The following RGL1 variants were observed in gnomAD, a reference collection of about 807,000 sequenced individuals.
RGL1 encodes ral guanine nucleotide dissociation stimulator-like 1.
RGL1 carries 24 observed loss-of-function variants against 95.2 expected under a neutral mutation model. That is an observed-to-expected ratio of 0.25 (90% CI 0.18 to 0.35). RGL1 has a LOEUF of 0.35. RGL1 is among the 10% of genes least tolerant of loss of function. RGL1 has a pLI of 1.00. For synonymous variants in RGL1, 329 were observed against 344.9 expected (o/e 0.95, Z 0.51); for missense variants, 715 against 936.3 (o/e 0.76, Z 3.08).
At chr1:183,885,515 C>T (rs1302949286) in intron 7 of RGL1, among the ~76,000 whole-genome samples, 1 of 152,128 alleles carries the variant, frequency 6.6e-6, no homozygotes, top group Non-Finnish European at 1.5e-5. Flanking sequence ...GTTCCTAGGC[C>T]TGACTCACAT....
intron 2 of RGL1, among the ~76,000 whole-genome samples, chr1:183,771,776 A>G (rs1163278741): frequency 6.6e-6 from 1 of 152,154 alleles, no homozygotes; most frequent in Non-Finnish European, 1.5e-5. Flanking sequence ...TCACTCCTAA[A>G]TGTTGCGTTT....
chr1:183,795,341 T>C (rs780185396), intron 2 of RGL1, among the ~76,000 whole-genome samples: 1 of 152,206 alleles, frequency 6.6e-6, no homozygotes, highest in Non-Finnish European at 1.5e-5. Context: ...GAAACAGACA[T>C]TTATCAAATA....
chr1:183,656,171 T>TTACAAAACTCTTACAAA (rs2102011573), intron 1 of RGL1, among the ~76,000 whole-genome samples: 1 of 151,528 alleles, frequency 6.6e-6, no homozygotes, highest in Non-Finnish European at 1.5e-5. Flanking sequence ...CTTGGCTCTC[T>TTACAAAACTCTTACAAA]AACTCTTACA....
intron 8 of RGL1, among the ~76,000 whole-genome samples, chr1:183,890,721 C>G (rs1667368067): frequency 6.6e-6 from 1 of 152,146 alleles, no homozygotes; most frequent in Admixed American, 6.5e-5. Flanking sequence ...AGCTACGTAT[C>G]ATATACTTGG....
At chr1:183,806,592 G>A in intron 2 of RGL1, 107 bp downstream of exon 2, 1 of 731,488 alleles carries the variant, frequency 1.4e-6, no homozygotes, top group East Asian at 2.6e-5. Flanking sequence ...TCCTCTTTTC[G>A]CTTTAAAAAG....
At chr1:183,788,040 CA>C (rs926463676) in intron 2 of RGL1, among the ~76,000 whole-genome samples, 2 of 152,140 alleles carry the variant, frequency 1.3e-5, no homozygotes, top group African/African-American at 4.8e-5. Context: ...TATAGCAACA[CA>C]AAATGGACTA....
chr1:183,870,710 G>A (rs1666133142), intron 4 of RGL1, among the ~76,000 whole-genome samples: 1 of 152,180 alleles, frequency 6.6e-6, no homozygotes, highest in South Asian at 2.1e-4. Context: ...TGTCAATAGT[G>A]CCTAAGAAGC....
At chr1:183,637,421 C>G (rs553212115) in intron 1 of RGL1, among the ~76,000 whole-genome samples, 1 of 152,062 alleles carries the variant, frequency 6.6e-6, no homozygotes, top group South Asian at 2.1e-4. Context: ...TGTGAAAGAC[C>G]GTACAGTTTG....
At chr1:183,704,725 T>G (rs951486209) in intron 1 of RGL1, among the ~76,000 whole-genome samples, 1 of 152,122 alleles carries the variant, frequency 6.6e-6, no homozygotes, top group Non-Finnish European at 1.5e-5. Flanking sequence ...GAATAGAGCA[T>G]AGAGTTGGAG....
chr1:183,759,151 G>T (rs1477708687), intron 2 of RGL1, among the ~76,000 whole-genome samples: 1 of 152,140 alleles, frequency 6.6e-6, no homozygotes, highest in Admixed American at 6.6e-5. Flanking sequence ...AAAAACAAAG[G>T]TTATTACACT....
chr1:183,916,322 GTGGGC>G (rs1668965933), intron 15 of RGL1, 120 bp from the exon 16 acceptor site: 1 of 1,124,220 alleles, frequency 8.9e-7, no homozygotes, highest in African/African-American at 1.6e-5. Flanking sequence ...CATGTGTGCT[GTGGGC>G]TGTTGTGGAG....
chr1:183,706,869 C>T (rs1654948351), intron 1 of RGL1, among the ~76,000 whole-genome samples: 1 of 152,182 alleles, frequency 6.6e-6, no homozygotes, highest in East Asian at 1.9e-4. Flanking sequence ...GCTTCTGAAG[C>T]TTGCGCCAAA....
chr1:183,700,452 C>CT (rs1019748231), intron 1 of RGL1, among the ~76,000 whole-genome samples: 1 of 147,780 alleles, frequency 6.8e-6, no homozygotes, highest in African/African-American at 2.5e-5. Flanking sequence ...TTTAATTTGA[C>CT]TTTAAGTTCT....
At chr1:183,794,034 T>C (rs896141218) in intron 2 of RGL1, among the ~76,000 whole-genome samples, 4 of 148,708 alleles carry the variant, frequency 2.7e-5, no homozygotes, top group Non-Finnish European at 5.9e-5. Context: ...CATCAGTGGA[T>C]GAATGGGTAA....
intron 1 of RGL1, among the ~76,000 whole-genome samples, chr1:183,729,206 GTA>G (rs776262216): frequency 6.8e-6 from 1 of 147,422 alleles, no homozygotes; most frequent in Non-Finnish European, 1.5e-5. Context: ...GTGTGTGTGT[GTA>G]TACTATTTTA....
intron 2 of RGL1, among the ~76,000 whole-genome samples, chr1:183,750,988 G>A (rs932616123): frequency 3.9e-5 from 6 of 152,238 alleles, no homozygotes; most frequent in African/African-American, 1.4e-4. Context: ...CCTGTATGAG[G>A]TGTCTGTCAT....
intron 1 of RGL1, among the ~76,000 whole-genome samples, chr1:183,644,479 G>GT (rs1310369377): frequency 6.6e-6 from 1 of 152,048 alleles, no homozygotes; most frequent in East Asian, 1.9e-4. Context: ...AGGCTGGAGT[G>GT]TAGTGGTGTG....
intron 1 of RGL1, among the ~76,000 whole-genome samples, chr1:183,727,063 A>G (rs569642764): frequency 1.3e-5 from 2 of 152,286 alleles, no homozygotes; most frequent in South Asian, 2.1e-4. Flanking sequence ...GCAAATAAAG[A>G]CAACTACAGA....
intron 3 of RGL1, among the ~76,000 whole-genome samples, chr1:183,851,127 A>C (rs576069990): frequency 9.2e-5 from 14 of 152,358 alleles, no homozygotes; most frequent in Non-Finnish European, 1.8e-4. Flanking sequence ...AAAATGAATC[A>C]AACTGCATTT....
Sources: allele counts gnomAD v4.1 joint callset (sites outside exome capture counted in the v4.1 genomes callset), GRCh38; gene constraint gnomAD v4.1.1; transcripts MANE v1.5; gene names NCBI Gene and HGNC (gene_info 2026-07-23, HGNC 2026-07-21).